The following PACRG variants were observed in gnomAD, a reference collection of about 807,000 sequenced individuals.
PACRG encodes parkin coregulated, also known as parkin coregulated gene protein.
A neutral mutation model predicts 29.7 loss-of-function variants in PACRG; 29 were observed. The observed-to-expected ratio is 0.98, with a 90% CI of 0.73 to 1.33. The LOEUF is 1.33. PACRG is among the 40% of genes most tolerant of loss of function. The probability of loss-of-function intolerance (pLI) is 0.00; values close to 1 mark genes in which losing one functional copy is unlikely to be tolerated. For synonymous variants in PACRG, 116 were observed against 118.7 expected (o/e 0.98, Z 0.15); for missense variants, 279 against 316.2 (o/e 0.88, Z 0.89).
chr6:162,986,384 T>A (rs1802892282), intron 2 of PACRG, among the ~76,000 whole-genome samples: 1 of 152,060 alleles, frequency 6.6e-6, no homozygotes, highest in African/African-American at 2.4e-5. Context: ...TGGAACAGAA[T>A]AGAGAACCCA....
At chr6:163,040,262 G>C (rs1403267264) in intron 2 of PACRG, among the ~76,000 whole-genome samples, 1 of 152,242 alleles carries the variant, frequency 6.6e-6, no homozygotes, top group Non-Finnish European at 1.5e-5. Context: ...CAGAAGACAA[G>C]AGTTGAGGTT....
chr6:163,246,933 C>A (rs12202006), intron 4 of PACRG, among the ~76,000 whole-genome samples: 38,973 of 152,134 alleles, frequency 0.26, 5,378 homozygotes, highest in Middle Eastern at 0.33. Context: ...AGATAAAATT[C>A]TAAGTGAAGG....
intron 2 of PACRG, among the ~76,000 whole-genome samples, chr6:162,874,827 C>T (rs1793156421): frequency 6.6e-6 from 1 of 151,974 alleles, no homozygotes; most frequent in Non-Finnish European, 1.5e-5. Context: ...ACGACTCGCA[C>T]ACATTCACAC....
At chr6:163,107,714 A>ACAATACAT (rs1815462477) in intron 4 of PACRG, among the ~76,000 whole-genome samples, 2 of 152,110 alleles carry the variant, frequency 1.3e-5, no homozygotes, top group Non-Finnish European at 2.9e-5. Flanking sequence ...TTGATTTTCA[A>ACAATACAT]CAATACATCA....
chr6:162,873,301 A>T (rs573668133), intron 2 of PACRG, among the ~76,000 whole-genome samples: 177 of 152,270 alleles, frequency 1.2e-3, no homozygotes, highest in Non-Finnish European at 1.6e-3. Context: ...TCCATCATAG[A>T]TTCCTAATAA....
At chr6:162,805,489 G>T (rs1786244930) in intron 1 of PACRG, among the ~76,000 whole-genome samples, 1 of 152,138 alleles carries the variant, frequency 6.6e-6, no homozygotes, top group African/African-American at 2.4e-5. Context: ...GCTGAAAGCT[G>T]GTGTGGCTGT....
intron 2 of PACRG, among the ~76,000 whole-genome samples, chr6:162,927,454 A>G (rs1473884377): frequency 6.6e-6 from 1 of 152,178 alleles, no homozygotes; most frequent in African/African-American, 2.4e-5. Context: ...CATATACACC[A>G]TGGAATACTA....
intron 2 of PACRG, among the ~76,000 whole-genome samples, chr6:162,969,479 T>C (rs4535526): frequency 0.67 from 102,286 of 151,726 alleles, 34,638 homozygotes; most frequent in East Asian, 0.79. Flanking sequence ...TTGCCACCCA[T>C]CTCCCCCCAC....
intron 4 of PACRG, among the ~76,000 whole-genome samples, chr6:163,255,432 T>C (rs914406430): frequency 6.6e-6 from 1 of 152,066 alleles, no homozygotes; most frequent in African/African-American, 2.4e-5. Flanking sequence ...TAGAGGCAAC[T>C]GGACACCATC....
At chr6:163,007,830 C>T (rs1805258413) in intron 2 of PACRG, among the ~76,000 whole-genome samples, 1 of 152,140 alleles carries the variant, frequency 6.6e-6, no homozygotes, top group African/African-American at 2.4e-5. Flanking sequence ...GAGTTCTTCC[C>T]AGTCCACCCA....
At chr6:162,914,508 GTTTT>G (rs3028611) in intron 2 of PACRG, among the ~76,000 whole-genome samples, 12,494 of 95,488 alleles carry the variant, frequency 0.13, 481 homozygotes, top group East Asian at 0.23. Flanking sequence ...GTACTTTTTT[GTTTT>G]TTTTTTTTTT....
chr6:163,190,083 A>G (rs1282261538), intron 4 of PACRG: 2 of 152,224 alleles, frequency 1.3e-5, no homozygotes, highest in Non-Finnish European at 2.9e-5. Context: ...CTGGATTCCG[A>G]TTGCATTACA....
chr6:163,214,704 T>A lies in PACRG; in HGVS notation c.614-100123T>A, dbSNP rs564502675. On this transcript the variant is annotated intron_variant, in intron 4 of 4. Transcript: ENST00000366888. ...TATGTAGGTATATTTTGTAATCTTT[T>A]GGGTAATTCTCTTTATGTTTTCAGG... Among the ~76,000 whole-genome samples the A allele has an allele frequency of 3.3e-4, 50 of 152,264 alleles. 2 individuals carry two copies. In the East Asian group the frequency reaches 6.6e-3, roughly 20 times the overall value.
At chr6:163,311,522 A>G (rs6455892) in intron 4 of PACRG, among the ~76,000 whole-genome samples, 2,530 of 152,318 alleles carry the variant, frequency 0.017, 64 homozygotes, top group African/African-American at 0.058. Context: ...GCCCTCAAAA[A>G]ACTGTCAATG....
intron 4 of PACRG, among the ~76,000 whole-genome samples, chr6:163,173,992 C>A (rs1333460941): frequency 6.6e-6 from 1 of 152,212 alleles, no homozygotes; most frequent in Non-Finnish European, 1.5e-5. Flanking sequence ...GTAATCAAGT[C>A]GTCCTTTGAC....
At position 163,302,809 on chromosome 6, in the gene PACRG, A is replaced by G. The variant is rs547396731; in HGVS notation, c.614-12018A>G. ...GTAAGCACGATTGGTGAGTTTATCC[A>G]TTTAATTATTTTTCTTGCTAGAACA... On this transcript the variant is annotated intron_variant, in intron 4 of 4. Coordinates refer to ENST00000366888, the MANE Select transcript of PACRG (RefSeq NM_001080379.2). Among the ~76,000 whole-genome samples the G allele has an allele frequency of 8.5e-5, 13 of 152,290 alleles. 1 individual carries two copies. The South Asian group carries it at 2.7e-3, about 32-fold the overall frequency.
At chr6:162,742,670 T>C (rs1325808097) in intron 1 of PACRG, among the ~76,000 whole-genome samples, 1 of 152,172 alleles carries the variant, frequency 6.6e-6, no homozygotes, top group Non-Finnish European at 1.5e-5. Flanking sequence ...TTTTAATCCT[T>C]CTCTTTTTAA....
intron 4 of PACRG, among the ~76,000 whole-genome samples, chr6:163,143,018 G>A (rs77789807): frequency 5.9e-4 from 90 of 152,260 alleles, no homozygotes; most frequent in African/African-American, 2.1e-3. Flanking sequence ...AGAAGACAGC[G>A]GTGGAAACGC....
chr6:162,751,005 T>C (rs1381036400), intron 1 of PACRG, among the ~76,000 whole-genome samples: 1 of 152,196 alleles, frequency 6.6e-6, no homozygotes, highest in Non-Finnish European at 1.5e-5. Context: ...AATGACTTCA[T>C]TGGCCTTTAC....
Sources: allele counts gnomAD v4.1 joint callset (sites outside exome capture counted in the v4.1 genomes callset), GRCh38; gene constraint gnomAD v4.1.1; transcripts MANE v1.5; gene names NCBI Gene and HGNC (gene_info 2026-07-23, HGNC 2026-07-21).